The following BCAS1 variants were observed in gnomAD, a reference collection of about 807,000 sequenced individuals.
BCAS1 encodes the protein breast carcinoma-amplified sequence 1.
Under a neutral mutation model 65.4 loss-of-function variants are expected in BCAS1, and 46 were observed. The observed-to-expected ratio is 0.70, with a 90% CI of 0.55 to 0.90. The LOEUF (loss-of-function observed/expected upper bound fraction) is 0.90. Among genes scored for constraint, BCAS1 ranks in the 40% least tolerant of loss-of-function variants. The probability of loss-of-function intolerance (pLI) is 0.00; values close to 1 mark genes in which losing one functional copy is unlikely to be tolerated. For synonymous variants in BCAS1, 298 were observed against 293.5 expected (o/e 1.02, Z -0.16); for missense variants, 793 against 771.2 (o/e 1.03, Z -0.33).
chr20:53,947,814 G>A (rs907108804), intron 12 of BCAS1, among the ~76,000 whole-genome samples: 19 of 152,148 alleles, frequency 1.2e-4, no homozygotes, highest in African/African-American at 3.6e-4. Context: ...AGCGGTGCCC[G>A]ACTCATCTCT....
At chr20:54,046,331 C>G (rs1288653608) in intron 3 of BCAS1, among the ~76,000 whole-genome samples, 1 of 151,152 alleles carries the variant, frequency 6.6e-6, no homozygotes, top group Non-Finnish European at 1.5e-5. Context: ...AGTTTGAGAC[C>G]AGCCTGCCCA....
chr20:54,035,885 G>T (rs146197441), intron 3 of BCAS1, among the ~76,000 whole-genome samples: 1 of 151,214 alleles, frequency 6.6e-6, no homozygotes, highest in South Asian at 2.1e-4. Flanking sequence ...TAAAAAGAAC[G>T]AGATCATGTC....
chr20:54,021,322 A>G (rs1325662728), intron 4 of BCAS1, among the ~76,000 whole-genome samples: 1 of 150,760 alleles, frequency 6.6e-6, no homozygotes. Context: ...AGTCACACAC[A>G]TTTTTCGGTT....
At chr20:54,056,200 A>T (rs926246793) in intron 3 of BCAS1, among the ~76,000 whole-genome samples, 16 of 152,160 alleles carry the variant, frequency 1.1e-4, no homozygotes, top group Non-Finnish European at 7.3e-5. Context: ...AAAAGTAGCT[A>T]TGTATGGTGG....
In BCAS1 at chr20:53,985,320, G is replaced by A. The variant is rs770573680; in HGVS notation, c.1242C>T (p.Thr414=). 6.2e-7 allele frequency: 1 copy of A among 1,613,872 alleles called. No homozygotes were observed. The highest frequency in any genetic ancestry group is 1.1e-5 in the South Asian group (1 of 91,068). ...KEGTKEKSGP[T]SLPLGKLFWK... is the part of the protein sequence containing the mutation. Reference sequence around the variant, plus strand: ...AAAACAGTTTGCCCAGAGGCAGAGAGGTGGGTCCTGATTTCTCCTTGGTGC... The same window carrying A: ...AAAACAGTTTGCCCAGAGGCAGAGAAGTGGGTCCTGATTTCTCCTTGGTGC... Residue 414 remains threonine, a synonymous_variant, in exon 8 of 13, where the codon ACC becomes ACT. Transcript: ENST00000688948.
At chr20:54,037,883 A>G (rs2091925976) in intron 3 of BCAS1, among the ~76,000 whole-genome samples, 1 of 151,390 alleles carries the variant, frequency 6.6e-6, no homozygotes, top group Non-Finnish European at 1.5e-5. Context: ...AGTTAATAGA[A>G]TTAGTGGATA....
At chr20:53,978,704 T>C (rs2090400454) in intron 8 of BCAS1, among the ~76,000 whole-genome samples, 1 of 152,214 alleles carries the variant, frequency 6.6e-6, no homozygotes, top group Admixed American at 6.5e-5. Context: ...AGCCTTCTGT[T>C]AGTGGTTGTT....
intron 8 of BCAS1, among the ~76,000 whole-genome samples, chr20:53,981,507 T>C (rs1346837561): frequency 6.6e-6 from 1 of 152,144 alleles, no homozygotes; most frequent in Non-Finnish European, 1.5e-5. Context: ...AGAATCGGGT[T>C]ATAATTCACT....
chr20:53,996,293 C>T (rs1276818623), intron 4 of BCAS1, among the ~76,000 whole-genome samples: 7 of 152,068 alleles, frequency 4.6e-5, no homozygotes, highest in African/African-American at 1.7e-4. Context: ...GTAACAAACA[C>T]AGCAGTGCAC....
At chr20:53,960,469 TAAA>T (rs11467629) in intron 10 of BCAS1, among the ~76,000 whole-genome samples, 58 of 63,100 alleles carry the variant, frequency 9.2e-4, no homozygotes, top group East Asian at 2.3e-3. Flanking sequence ...TTCAACTTCT[TAAA>T]AAAAAAAAAA....
chr20:54,031,492 A>C (rs2091799071), intron 3 of BCAS1, among the ~76,000 whole-genome samples: 1 of 151,346 alleles, frequency 6.6e-6, no homozygotes, highest in South Asian at 2.1e-4. Flanking sequence ...TCCTTTGCTC[A>C]GATGCTCACC....
At chr20:54,008,512 G>A (rs2091250699) in intron 4 of BCAS1, among the ~76,000 whole-genome samples, 1 of 152,188 alleles carries the variant, frequency 6.6e-6, no homozygotes. Flanking sequence ...GTAATAAGGA[G>A]TATACCCCCG....
At chr20:53,982,640 C>T (rs2090512292) in intron 8 of BCAS1, among the ~76,000 whole-genome samples, 1 of 152,120 alleles carries the variant, frequency 6.6e-6, no homozygotes, top group Admixed American at 6.5e-5. Flanking sequence ...TTTCCCTTTG[C>T]ATTTTTCAAA....
At chr20:54,000,334 G>A (rs1043600447) in intron 4 of BCAS1, among the ~76,000 whole-genome samples, 1 of 150,638 alleles carries the variant, frequency 6.6e-6, no homozygotes, top group Non-Finnish European at 1.5e-5. Flanking sequence ...GCAAGACTGA[G>A]AATTATATTA....
At chr20:53,967,697 C>T (rs546032459) in intron 9 of BCAS1, among the ~76,000 whole-genome samples, 3 of 152,324 alleles carry the variant, frequency 2.0e-5, no homozygotes, top group South Asian at 2.1e-4. Flanking sequence ...CTAAGTTGTT[C>T]GCGGCCCTGG....
chr20:54,051,000 A>G (rs1414700015), intron 3 of BCAS1, among the ~76,000 whole-genome samples: 1 of 152,170 alleles, frequency 6.6e-6, no homozygotes, highest in Admixed American at 6.5e-5. Flanking sequence ...TCCTTCCCAG[A>G]ATCTCTAGGC....
At chr20:54,008,281 C>T (rs940651029) in intron 4 of BCAS1, among the ~76,000 whole-genome samples, 3 of 152,218 alleles carry the variant, frequency 2.0e-5, no homozygotes, top group Non-Finnish European at 4.4e-5. Flanking sequence ...CTCATCCTCA[C>T]CGGTTGGTAA....
chr20:53,945,678 G>A (rs2089290989), intron 12 of BCAS1, among the ~76,000 whole-genome samples: 1 of 152,224 alleles, frequency 6.6e-6, no homozygotes, highest in Non-Finnish European at 1.5e-5. Flanking sequence ...CAAGGATTCT[G>A]CGTGTCTCAG....
At chr20:53,989,485 C>T (rs2090700645) in intron 7 of BCAS1, among the ~76,000 whole-genome samples, 1 of 152,120 alleles carries the variant, frequency 6.6e-6, no homozygotes, top group Non-Finnish European at 1.5e-5. Flanking sequence ...GCTTCTGGCA[C>T]AAAATAGACA....
Sources: allele counts gnomAD v4.1 joint callset (sites outside exome capture counted in the v4.1 genomes callset), GRCh38; gene constraint gnomAD v4.1.1; transcripts MANE v1.5; gene names NCBI Gene and HGNC (gene_info 2026-07-23, HGNC 2026-07-21).